LETM1: variants seen among roughly 807,000 people sequenced by gnomAD.
LETM1 encodes the protein leucine zipper and EF-hand containing transmembrane protein 1.
A neutral mutation model predicts 74.5 loss-of-function variants in LETM1; 50 were observed. The ratio of observed to expected loss-of-function variants is 0.67; its 90% CI spans 0.53 to 0.85. The LOEUF (loss-of-function observed/expected upper bound fraction) is 0.85, where lower values mean the gene tolerates loss of function less well. LETM1 is among the 40% of genes least tolerant of loss of function. The pLI, the probability that LETM1 is intolerant of heterozygous loss-of-function variation, is 0.00. For synonymous variants in LETM1, 446 were observed against 407.1 expected (o/e 1.10, Z -1.15); for missense variants, 824 against 967.8 (o/e 0.85, Z 1.97).
chr4:1,814,680 T>C, intron 13 of LETM1, 107 bp from the exon 14 acceptor site: 1 of 914,368 alleles, frequency 1.1e-6, no homozygotes, highest in Non-Finnish European at 1.7e-6. Context: ...GGCAGCAGCA[T>C]GCACGCAATC....
intron 6 of LETM1, among the ~76,000 whole-genome samples, chr4:1,828,948 G>A (rs1294521609): frequency 1.3e-4 from 13 of 101,606 alleles, no homozygotes; most frequent in South Asian, 3.3e-4. Context: ...GGGCAGAGGC[G>A]CCCCTCACCT....
In LETM1 at chr4:1,849,180, A is replaced by G; in HGVS notation, c.112T>C (p.Cys38Arg). 6.2e-7 allele frequency: 1 copy of G among 1,613,516 alleles called. No homozygotes were observed. Among genetic ancestry groups the G allele is most frequent in the Non-Finnish European group, 8.5e-7 (1 of 1,179,356 alleles). The change falls in exon 2 of 14, where the codon TGT becomes CGT. Residue 38 changes from cysteine to arginine, a missense_variant. Physicochemically the swap from Cys to Arg is radical, Grantham distance 180. Transcript: ENST00000302787. ...TTCCTCAACCCCAGGGTGCTGGCAC[A>G]GCTGAGATGAGCAGGATCCCCTGGA... ...GSPGDPAHLS[C>R]ASTLGLRNCL...
At position 1,841,560 on chromosome 4, in the gene LETM1, C is replaced by G; in HGVS notation, c.381G>C (p.Leu127Phe). 1 of 1,614,248 alleles carries G rather than the reference C, an allele frequency of 6.2e-7. No homozygotes were observed. Among genetic ancestry groups the G allele is most frequent in the Non-Finnish European group, 8.5e-7 (1 of 1,180,050 alleles). ...DSVVEKSLKS[L>F]KDKNKKLEEG... is the part of the protein sequence containing the mutation. ...CCTCCAGCTTCTTGTTCTTGTCCTT[C>G]AAGGACTTGAGGGACTTCTCTACTA... The change falls in exon 3 of 14, where the codon TTG becomes TTC. Residue 127 changes from leucine to phenylalanine, a missense_variant. Transcript: ENST00000302787.
At chr4:1,833,072 T>C (rs1340575402) in intron 5 of LETM1, 125 bp from the exon 6 acceptor site, 4 of 771,132 alleles carry the variant, frequency 5.2e-6, no homozygotes, top group Non-Finnish European at 8.5e-6. Flanking sequence ...GACTACTTCT[T>C]CTTTTTTTTT....
intron 1 of LETM1, among the ~76,000 whole-genome samples, chr4:1,855,176 T>A (rs761059572): frequency 2.6e-5 from 4 of 152,188 alleles, no homozygotes; most frequent in Non-Finnish European, 5.9e-5. Context: ...GAGTCCCTCT[T>A]AGCAAGTTTT....
intron 6 of LETM1, among the ~76,000 whole-genome samples, chr4:1,829,680 T>C (rs2108844274): frequency 6.6e-6 from 1 of 152,152 alleles, no homozygotes; most frequent in African/African-American, 2.4e-5. Context: ...AACTAGCCGG[T>C]GTGGTGGCAC....
At chr4:1,830,397 C>T (rs1712223603) in intron 6 of LETM1, among the ~76,000 whole-genome samples, 1 of 152,192 alleles carries the variant, frequency 6.6e-6, no homozygotes, top group Non-Finnish European at 1.5e-5. Flanking sequence ...GTGACACAAT[C>T]ACAACTCACT....
chr4:1,823,836 G>A, intron 7 of LETM1, 61 bp from the exon 8 acceptor site: 2 of 1,543,464 alleles, frequency 1.3e-6, no homozygotes, highest in Non-Finnish European at 1.7e-6. Flanking sequence ...CCCCACAGCA[G>A]GTCCGCCCAT....
intron 6 of LETM1, among the ~76,000 whole-genome samples, chr4:1,828,276 G>T (rs1712088571): frequency 7.5e-6 from 1 of 133,428 alleles, no homozygotes; most frequent in Admixed American, 7.1e-5. Context: ...CGGGCGGGGG[G>T]CTGACCCCCC....
intron 6 of LETM1, among the ~76,000 whole-genome samples, chr4:1,830,432 G>A (rs1712225195): frequency 6.6e-6 from 1 of 152,158 alleles, no homozygotes; most frequent in African/African-American, 2.4e-5. Flanking sequence ...CCAAGCTCGA[G>A]CAATCCTCCT....
At chr4:1,832,665 T>C in intron 6 of LETM1, 79 bp downstream of exon 6, 1 of 1,376,192 alleles carries the variant, frequency 7.3e-7, no homozygotes, top group East Asian at 2.3e-5. Flanking sequence ...GTTTCTACAA[T>C]GAGGACATGC....
At chr4:1,829,317 C>G (rs1240474721) in intron 6 of LETM1, among the ~76,000 whole-genome samples, 2 of 148,334 alleles carry the variant, frequency 1.3e-5, no homozygotes, top group African/African-American at 2.5e-5. Flanking sequence ...CCCCTCACCT[C>G]CCAGACGGGG....
Position 1,841,476 on chromosome 4 carries a change from C to T in LETM1, c.465G>A (p.Gln155=), listed in dbSNP as rs1482380267. The part of the protein sequence containing the change: ...AEVVVKKSLG[Q]RVLDELKHYY... The stretch of plus-strand genomic sequence containing the variant: ...AGTGCTTCAGCTCGTCCAGCACCCG[C>T]TGCCCCAGGGACTTCTTCACCACCA... The change falls in exon 3 of 14, where the codon CAG becomes CAA. Residue 155 remains glutamine (Q), a synonymous_variant. Transcript: ENST00000302787. 7 of 1,614,144 alleles carry T rather than the reference C, an allele frequency of 4.3e-6. No individual in the cohort carries two copies. The highest frequency in any genetic ancestry group is 1.3e-5 in the African/African-American group (1 of 74,950).
intron 6 of LETM1, among the ~76,000 whole-genome samples, chr4:1,828,013 A>C (rs1392245673): frequency 2.3e-5 from 3 of 131,430 alleles, no homozygotes; most frequent in African/African-American, 1.1e-4. Context: ...GGCGCCCCCC[A>C]ACCCGGACGG....
Position 1,823,101 on chromosome 4 carries a change from C to T in LETM1, c.1363G>A (p.Val455Met). ...AKEAQVKVAE[V>M]EGEQVDNKAK... ...TTGTTGTCCACCTGCTCGCCCTCCA[C>T]CTCGGCCACTTTCACCTGTGCTTCC... The change falls in exon 9 of 14, where the codon GTG becomes ATG. Residue 455 changes from valine (V) to methionine (M), a missense_variant. This residue lies in a region of LETM1 where 172 missense variants were observed against 170.7 expected (regional missense o/e 1.01). Transcript: ENST00000302787. The T allele has an allele frequency of 1.2e-6, 2 of 1,606,898 alleles. No individual in the cohort carries two copies. The highest frequency in any genetic ancestry group is 1.7e-6 in the Non-Finnish European group (2 of 1,176,004).
At position 1,836,597 on chromosome 4, in the gene LETM1, G is replaced by A. The variant is rs1240640580; in HGVS notation, c.595-25C>T. On this transcript the variant is annotated intron_variant, in intron 3 of 13. Transcript: ENST00000302787. The surrounding 1 kb of genome is among the most constrained non-coding windows in gnomAD (Gnocchi z 5.8). ...ACTGGAAGGGGCGGAATCCATCAGA[G>A]GGGAGCAGAGCACATGTGGGAACAA... 1.2e-6 allele frequency: 2 copies of A among 1,613,116 alleles called. No individual in the cohort carries two copies. The highest frequency in any genetic ancestry group is 1.7e-6 in the Non-Finnish European group (2 of 1,179,650).
rs1481440132 is a variant in LETM1, at chr4:1,823,203, C to T, written c.1333-72G>A. The T allele has an allele frequency of 3.4e-6, 5 of 1,483,800 alleles. No homozygotes were observed. In the African/African-American group the frequency reaches 4.2e-5, roughly 13 times the overall value. 91.9% of individuals were successfully genotyped at this position (1,483,800 alleles called of 1,614,324 possible). On this transcript the variant is annotated intron_variant, in intron 8 of 13. Coordinates refer to ENST00000302787, the MANE Select transcript of LETM1 (RefSeq NM_012318.3). The stretch of plus-strand genomic sequence containing the variant: ...GCCCCTGCTGCCCCTCACCTCTGTC[C>T]TGTGTCCTGTGTCCCCTGCCCCGTC...
intron 2 of LETM1, among the ~76,000 whole-genome samples, chr4:1,844,081 G>A (rs1189775566): frequency 6.6e-6 from 1 of 152,196 alleles, no homozygotes; most frequent in East Asian, 1.9e-4. Context: ...CAGTCACGGG[G>A]TGTCGACAGG....
At chr4:1,849,120 C>G (rs778912877) in intron 2 of LETM1, 29 bp downstream of exon 2, 2 of 1,547,138 alleles carry the variant, frequency 1.3e-6, no homozygotes, top group Non-Finnish European at 1.8e-6. Context: ...TTCAAACAGA[C>G]AGGTGCAGAG....
Sources: allele counts gnomAD v4.1 joint callset (sites outside exome capture counted in the v4.1 genomes callset), GRCh38; gene constraint gnomAD v4.1.1; regional missense constraint gnomAD v4.1.1; non-coding constraint Gnocchi (gnomAD v3.1); transcripts MANE v1.5; gene names NCBI Gene and HGNC (gene_info 2026-07-23, HGNC 2026-07-21).